WDR7: variants seen among roughly 807,000 people sequenced by gnomAD.
WDR7 encodes the protein WD repeat-containing protein 7.
A neutral mutation model predicts 169.4 loss-of-function variants in WDR7; 46 were observed. The ratio of observed to expected loss-of-function variants is 0.27; its 90% confidence interval spans 0.21 to 0.35. The LOEUF is 0.35. Ranked by LOEUF, WDR7 falls within the 10% of genes least tolerant of loss-of-function variation. The pLI is 1.00. For synonymous variants in WDR7, 612 were observed against 666.8 expected, an observed-to-expected ratio of 0.92 and a Z score of 1.27; for missense variants, 1,534 against 1,859.3, an observed-to-expected ratio of 0.83 and a Z score of 3.22.
At chr18:56,676,824 C>T (rs1201419222) in intron 2 of WDR7, among the ~76,000 whole-genome samples, 1 of 20,810 alleles carries the variant, frequency 4.8e-5, no homozygotes, top group Non-Finnish European at 3.5e-3. Context: ...AATCCTGCCA[C>T]CCCAGCCTCC....
At chr18:56,900,074 GTGTGTGTGTA>G (rs1359445164) in intron 21 of WDR7, among the ~76,000 whole-genome samples, 32 of 41,896 alleles carry the variant, frequency 7.6e-4, no homozygotes, top group Middle Eastern at 9.8e-3. Context: ...ATGTGTGTGT[GTGTGTGTGTA>G]TATATATATA....
At position 56,672,655 on chromosome 18, in the gene WDR7, A is replaced by G. The variant is rs1381804046; in HGVS notation, c.140A>G (p.Asp47Gly). 6.2e-7 allele frequency: 1 copy of G among 1,609,882 alleles called. No homozygotes were observed. The highest frequency in any genetic ancestry group is 1.3e-5 in the African/African-American group (1 of 74,834). ...CACGACGGACAAATATGTCTCTGGG[A>G]TCTTTCAGTAGAACTGCAAGTGAGT... ...GCHDGQICLW[D>G]LSVELQINPR... is the part of the protein sequence containing the mutation. The change falls in exon 2 of 28, where the codon GAT becomes GGT. Residue 47 changes from aspartate (D) to glycine (G), a missense_variant. Coordinates refer to ENST00000254442, the MANE Select transcript of WDR7 (RefSeq NM_015285.3).
intron 1 of WDR7, among the ~76,000 whole-genome samples, chr18:56,671,105 A>G (rs1328737751): frequency 6.6e-6 from 1 of 152,142 alleles, no homozygotes; most frequent in Non-Finnish European, 1.5e-5. Context: ...TGGTTAATCT[A>G]TTACTATCTC....
intron 26 of WDR7, among the ~76,000 whole-genome samples, chr18:57,019,234 CAA>C (rs989799919): frequency 1.3e-5 from 2 of 152,036 alleles, no homozygotes; most frequent in African/African-American, 4.8e-5. Context: ...GCAGGAGTAA[CAA>C]AAATATTAAA....
In WDR7 at chr18:57,027,587, C is replaced by T. The variant is rs1027552265; in HGVS notation, c.*380C>T. ...GATCAGCATTTTTAGCCATCTCAACCGCACCTCTGAAGTGCTGCTTGAATC... is the reference window on the plus strand; with the variant it reads ...GATCAGCATTTTTAGCCATCTCAACTGCACCTCTGAAGTGCTGCTTGAATC... On this transcript the variant is annotated 3_prime_UTR_variant, in exon 28 of 28. Transcript: ENST00000254442. The T allele has an allele frequency of 2.8e-5, 7 of 248,226 alleles. No individual in the cohort carries two copies. The highest frequency in any genetic ancestry group is 1.6e-4 in the Admixed American group (3 of 18,668). The allele number at this position is 248,226 out of a possible 1,614,324, so 15.4% of individuals were successfully genotyped here. A position where few individuals can be genotyped will look rare whatever the true frequency, so the allele number is the denominator to read the frequency against.
In WDR7 at chr18:56,938,467, A is replaced by G. The variant is rs3213880; in HGVS notation, c.3832-66A>G. ...TATAGTATTAGAAAGTAAAAAATAA[A>G]CCATGGCTAGAAATGTAAAACTATA... On this transcript the variant is annotated intron_variant, in intron 23 of 27. Coordinates refer to ENST00000254442, the MANE Select transcript of WDR7 (RefSeq NM_015285.3). 0.012 allele frequency: 18,682 copies of G among 1,565,360 alleles called. 1,871 individuals carry two copies. The East Asian group carries it at 0.27, about 23-fold the overall frequency.
At chr18:56,966,475 GATTTT>G (rs1486113619) in intron 26 of WDR7, among the ~76,000 whole-genome samples, 1 of 152,038 alleles carries the variant, frequency 6.6e-6, no homozygotes, top group African/African-American at 2.4e-5. Flanking sequence ...TCTTCCTTAT[GATTTT>G]AATATTTTCT....
intron 1 of WDR7, among the ~76,000 whole-genome samples, chr18:56,666,626 CTG>C (rs2025030844): frequency 6.6e-6 from 1 of 152,130 alleles, no homozygotes; most frequent in Non-Finnish European, 1.5e-5. Flanking sequence ...TTAATGAGTA[CTG>C]TGTTTTGGCA....
intron 26 of WDR7, among the ~76,000 whole-genome samples, chr18:57,000,725 T>C (rs1435880687): frequency 6.6e-6 from 1 of 152,214 alleles, no homozygotes; most frequent in Non-Finnish European, 1.5e-5. Context: ...TAGAAAATGT[T>C]CAAAAGCTTT....
chr18:56,948,346 T>C (rs1389960003), intron 25 of WDR7, among the ~76,000 whole-genome samples: 1 of 152,168 alleles, frequency 6.6e-6, no homozygotes, highest in Non-Finnish European at 1.5e-5. Flanking sequence ...GGCAGTTTAT[T>C]TGATGTATAA....
At chr18:56,879,520 C>A (rs937256513) in intron 20 of WDR7, among the ~76,000 whole-genome samples, 3 of 152,078 alleles carry the variant, frequency 2.0e-5, no homozygotes, top group Non-Finnish European at 4.4e-5. Flanking sequence ...ACAATAGTTT[C>A]TCTGATTCTG....
chr18:56,725,768 T>A (rs2026435630), intron 13 of WDR7, among the ~76,000 whole-genome samples: 1 of 152,194 alleles, frequency 6.6e-6, no homozygotes, highest in African/African-American at 2.4e-5. Context: ...GGTTTTCTTC[T>A]AGGGTTTTTA....
At position 56,838,257 on chromosome 18, in the gene WDR7, G is replaced by C. The variant is rs73436722; in HGVS notation, c.3304+22113G>C. ...CTTTATACCTGAAAGTATGTTCTTTGATCCTTATTTAAGTTCTTAGACATT... is the reference window on the plus strand; with the variant it reads ...CTTTATACCTGAAAGTATGTTCTTTCATCCTTATTTAAGTTCTTAGACATT... On this transcript the variant is annotated intron_variant, in intron 20 of 27. Transcript: ENST00000254442. 2.5e-3 allele frequency among the ~76,000 whole-genome samples: 384 copies of C among 151,086 alleles called. 2 individuals are homozygous for C. The highest frequency in any genetic ancestry group is 9.1e-3 in the African/African-American group (374 of 41,140).
chr18:56,883,125 G>A (rs932609931), intron 21 of WDR7, among the ~76,000 whole-genome samples: 5 of 151,858 alleles, frequency 3.3e-5, no homozygotes, highest in African/African-American at 7.2e-5. Context: ...CAGGAGAATG[G>A]CGTGAACCTG....
intron 25 of WDR7, among the ~76,000 whole-genome samples, chr18:56,954,508 A>G (rs2047224318): frequency 6.6e-6 from 1 of 152,154 alleles, no homozygotes. Context: ...AAAGAAAACT[A>G]TATGTGAAGA....
chr18:56,670,801 G>A (rs111959942), intron 1 of WDR7, among the ~76,000 whole-genome samples: 3,236 of 152,224 alleles, frequency 0.021, 47 homozygotes, highest in Non-Finnish European at 0.035. Flanking sequence ...GTGAGCCACC[G>A]CACCTGGCCA....
chr18:56,849,413 C>A (rs2045611405), intron 20 of WDR7, among the ~76,000 whole-genome samples: 1 of 152,154 alleles, frequency 6.6e-6, no homozygotes, highest in South Asian at 2.1e-4. Context: ...AGGCAATATT[C>A]CAAGGGATTT....
At chr18:56,656,765 AG>A (rs1249929525) in intron 1 of WDR7, among the ~76,000 whole-genome samples, 1 of 152,066 alleles carries the variant, frequency 6.6e-6, no homozygotes, top group East Asian at 1.9e-4. Flanking sequence ...TTTTAGAGTT[AG>A]TTTGAGTTTC....
chr18:56,756,416 T>C (rs1332212963), intron 14 of WDR7, among the ~76,000 whole-genome samples, 167 bp from the exon 15 acceptor site: 1 of 152,238 alleles, frequency 6.6e-6, no homozygotes, highest in Non-Finnish European at 1.5e-5. Context: ...TGATATCTTT[T>C]ACATGCTGCT....
Sources: allele counts gnomAD v4.1 joint callset (sites outside exome capture counted in the v4.1 genomes callset), GRCh38; gene constraint gnomAD v4.1.1; transcripts MANE v1.5; gene names NCBI Gene and HGNC (gene_info 2026-07-23, HGNC 2026-07-21).